Variants in CFAP20 observed in about 807,000 individuals in gnomAD.
CFAP20 encodes the protein cilia and flagella associated protein 20, also known as cilia- and flagella-associated protein 20.
A neutral mutation model predicts 25.5 loss-of-function variants in CFAP20; 14 were observed. The ratio of observed to expected loss-of-function variants is 0.55; its 90% CI spans 0.36 to 0.86. The LOEUF is 0.86. CFAP20 is among the 40% of genes least tolerant of loss of function. The pLI is 0.01. For synonymous variants in CFAP20, 75 were observed against 91.1 expected, an observed-to-expected ratio of 0.82 and a Z score of 1.01; for missense variants, 181 against 248.0, an observed-to-expected ratio of 0.73 and a Z score of 1.81.
chr16:58,113,847 T>C lies in CFAP20; in HGVS notation c.*178A>G. 2 of 697,952 alleles carry C rather than the reference T, an allele frequency of 2.9e-6. No homozygotes were observed. Among genetic ancestry groups the C allele is most frequent in the South Asian group, 3.5e-5 (2 of 57,768 alleles). The allele number at this position is 697,952 out of a possible 1,614,324, so 43.2% of individuals were successfully genotyped here. On this transcript the variant is annotated 3_prime_UTR_variant, in exon 6 of 6. Coordinates refer to ENST00000262498, the MANE Select transcript of CFAP20 (RefSeq NM_013242.3). ...CTGCTTACCCCCACTGCACTTACAA[T>C]GCAGTCACAGAGTTACGGCATGTTC...
chr16:58,128,994 G>GCCCCAC, intron 1 of CFAP20, 38 bp downstream of exon 1: 1 of 1,590,424 alleles, frequency 6.3e-7, no homozygotes, highest in Non-Finnish European at 8.6e-7. Context: ...AGGGGGTGCA[G>GCCCCAC]CCCCTCCACC....
At chr16:58,121,034 C>T (rs910803084) in intron 1 of CFAP20, among the ~76,000 whole-genome samples, 4 of 152,090 alleles carry the variant, frequency 2.6e-5, no homozygotes, top group African/African-American at 7.2e-5. Flanking sequence ...AAAAGAGTAG[C>T]GTGGAGGTGG....
chr16:58,118,263 T>C (rs1381779490), intron 1 of CFAP20, among the ~76,000 whole-genome samples: 1 of 152,076 alleles, frequency 6.6e-6, no homozygotes, highest in Non-Finnish European at 1.5e-5. Context: ...GAGGATAGCT[T>C]GAGCTCAGGA....
At position 58,129,018 on chromosome 16, in the gene CFAP20, G is replaced by A; in HGVS notation, c.84+14C>T. On this transcript the variant is annotated intron_variant, in intron 1 of 5. Transcript: ENST00000262498. The stretch of plus-strand genomic sequence containing the variant: ...AGCCCCTCCACCCCGCCCCGTCGCC[G>A]CCCCTAGCCCGACCTTTTTGTCCCA... The A allele has an allele frequency of 2.1e-6, 3 of 1,422,430 alleles. No homozygotes were observed. In the South Asian group the frequency reaches 3.5e-5, roughly 16 times the overall value. The allele number at this position is 1,422,430 out of a possible 1,614,324, so 88.1% of individuals were successfully genotyped here. A position where few individuals can be genotyped will look rare whatever the true frequency, so the allele number is the denominator to read the frequency against.
In CFAP20 at chr16:58,120,697, G is replaced by C. The variant is rs76085986; in HGVS notation, c.85-3746C>G. The stretch of plus-strand genomic sequence containing the variant: ...ACTAAAGAGATTTCTTTTTCTCCCA[G>C]TGTTACTAGATAACAAACACACTCA... On this transcript the variant is annotated intron_variant, in intron 1 of 5. Transcript: ENST00000262498. Among the ~76,000 whole-genome samples, 20 of 152,312 alleles carry C rather than the reference G, an allele frequency of 1.3e-4. No individual in the cohort carries two copies. In the East Asian group the frequency reaches 3.9e-3, roughly 29 times the overall value.
chr16:58,126,693 C>A (rs1353522698), intron 1 of CFAP20, among the ~76,000 whole-genome samples: 1 of 152,200 alleles, frequency 6.6e-6, no homozygotes, highest in African/African-American at 2.4e-5. Context: ...TCCCTGGCAG[C>A]AGGAAAAATA....
At position 58,116,156 on chromosome 16, in the gene CFAP20, T is replaced by TAG. The variant is rs1567446908; in HGVS notation, c.165-6_165-5dup. Reference sequence around the variant, plus strand: ...AGGGCATGTGATATATGTGGTGCTGTAGAGAGAGGAAATACTAATAAACAC... The same window carrying TAG: ...AGGGCATGTGATATATGTGGTGCTGTAGAGAGAGAGGAAATACTAATAAACAC... On this transcript the variant is annotated splice_region_variant and splice_polypyrimidine_tract_variant and intron_variant, in intron 2 of 5. Transcript: ENST00000262498. 1 of 1,592,674 alleles carries TAG rather than the reference T, an allele frequency of 6.3e-7. No homozygotes were observed. Among genetic ancestry groups the TAG allele is most frequent in the South Asian group, 1.1e-5 (1 of 90,658 alleles).
At chr16:58,116,995 G>A (rs1173083005) in intron 1 of CFAP20, 44 bp from the exon 2 acceptor site, 1 of 1,573,372 alleles carries the variant, frequency 6.4e-7, no homozygotes, top group African/African-American at 1.4e-5. Flanking sequence ...ATCTGACAAG[G>A]CTGAATAGGA....
In CFAP20 at chr16:58,116,038, T is replaced by C. The variant is rs368794662; in HGVS notation, c.276+3A>G. On this transcript the variant is annotated splice_donor_region_variant and intron_variant, in intron 3 of 5. Transcript: ENST00000262498. Reference sequence around the variant, plus strand: ...GTGGACACATTCATGTACACATACTTACCTGCACTTCGAAGGTAAAATACT... The same window carrying C: ...GTGGACACATTCATGTACACATACTCACCTGCACTTCGAAGGTAAAATACT... The C allele has an allele frequency of 1.9e-6, 3 of 1,589,058 alleles. No individual in the cohort carries two copies. The highest frequency in any genetic ancestry group is 3.3e-5 in the Admixed American group (2 of 59,940).
intron 1 of CFAP20, among the ~76,000 whole-genome samples, chr16:58,127,404 C>G (rs923685785): frequency 6.6e-6 from 1 of 152,178 alleles, no homozygotes; most frequent in East Asian, 1.9e-4. Flanking sequence ...TTTCAATTGC[C>G]TTATACTGAC....
At chr16:58,124,628 C>T (rs2142369701) in intron 1 of CFAP20, among the ~76,000 whole-genome samples, 1 of 152,282 alleles carries the variant, frequency 6.6e-6, no homozygotes, top group Admixed American at 6.5e-5. Flanking sequence ...AGAAAAGGTA[C>T]AGTACTGTAT....
Position 58,129,351 on chromosome 16 carries a change from G to GTCCGCGCCGCGGTATT in CFAP20, c.-252_-237dup, listed in dbSNP as rs1960679825. ...CAGAACGGAAACCACAGCAACTACCGTCCGCGCCGCGGTATTTCCCCGCCT... is the reference window on the plus strand; with the variant it reads ...CAGAACGGAAACCACAGCAACTACCGTCCGCGCCGCGGTATTTCCGCGCCGCGGTATTTCCCCGCCT... On this transcript the variant is annotated 5_prime_UTR_variant, in exon 1 of 6. Coordinates refer to ENST00000262498, the MANE Select transcript of CFAP20 (RefSeq NM_013242.3). 2.0e-6 allele frequency: 1 copy of GTCCGCGCCGCGGTATT among 499,080 alleles called. No homozygotes were observed. Among genetic ancestry groups the GTCCGCGCCGCGGTATT allele is most frequent in the South Asian group, 2.9e-5 (1 of 34,226 alleles). 30.9% of individuals were successfully genotyped at this position (499,080 alleles called of 1,614,324 possible). A position where few individuals can be genotyped will look rare whatever the true frequency, so the allele number is the denominator to read the frequency against.
At chr16:58,118,720 G>T (rs892887186) in intron 1 of CFAP20, among the ~76,000 whole-genome samples, 6 of 152,016 alleles carry the variant, frequency 3.9e-5, no homozygotes, top group African/African-American at 1.5e-4. Context: ...TCCTCAGGAG[G>T]CTGAGGTGGG....
chr16:58,114,715 A>G, intron 5 of CFAP20, 95 bp downstream of exon 5: 2 of 950,176 alleles, frequency 2.1e-6, no homozygotes, highest in South Asian at 1.4e-5. Flanking sequence ...CAACACAGAG[A>G]GGCTCTGCAG....
At chr16:58,115,160 C>T in intron 4 of CFAP20, 109 bp downstream of exon 4, 1 of 1,445,270 alleles carries the variant, frequency 6.9e-7, no homozygotes, top group Non-Finnish European at 9.7e-7. Context: ...GACAGTGTGG[C>T]AACTGAAGCC....
intron 3 of CFAP20, 192 bp from the exon 4 acceptor site, chr16:58,115,649 G>T: frequency 1.6e-6 from 1 of 640,178 alleles, no homozygotes; most frequent in Non-Finnish European, 2.7e-6. Context: ...CTTGTTTGTT[G>T]CCAAGACAAC....
At chr16:58,117,208 A>T in intron 1 of CFAP20, 1 of 499,252 alleles carries the variant, frequency 2.0e-6, no homozygotes, top group Non-Finnish European at 3.6e-6. Context: ...GATTCAGCTA[A>T]TATCTACTGA....
At position 58,129,369 on chromosome 16, in the gene CFAP20, C is replaced by T. The variant is rs1299727080; in HGVS notation, c.-254G>A. 2.1e-6 allele frequency: 1 copy of T among 479,218 alleles called. No individual in the cohort carries two copies. 29.7% of individuals were successfully genotyped at this position (479,218 alleles called of 1,614,324 possible). On this transcript the variant is annotated 5_prime_UTR_variant, in exon 1 of 6. Transcript: ENST00000262498. ...AACTACCGTCCGCGCCGCGGTATTT[C>T]CCCGCCTTCAATGGAGGCGGAGGGC...
At chr16:58,124,533 T>G (rs1483019410) in intron 1 of CFAP20, among the ~76,000 whole-genome samples, 1 of 152,228 alleles carries the variant, frequency 6.6e-6, no homozygotes, top group Non-Finnish European at 1.5e-5. Flanking sequence ...CTATTGCCCC[T>G]AGGCTACAAT....
Sources: gnomAD v4.1 joint callset for allele counts (sites outside exome capture counted in the v4.1 genomes callset) on GRCh38, gnomAD v4.1.1 for gene constraint, MANE v1.5 for transcripts, NCBI Gene and HGNC (gene_info 2026-07-23, HGNC 2026-07-21) for gene names.